The following GON4L variants were observed in gnomAD, a reference collection of about 807,000 sequenced individuals.
GON4L encodes the protein gon-4 like.
In GON4L, 87 loss-of-function variants were observed where a neutral mutation model predicts 211.8. The observed-to-expected ratio is 0.41, with a 90% confidence interval of 0.35 to 0.49. GON4L has a LOEUF of 0.49. Ranked by LOEUF, GON4L falls within the 20% of genes least tolerant of loss-of-function variation. The probability of loss-of-function intolerance (pLI) is 0.15; values close to 1 mark genes in which losing one functional copy is unlikely to be tolerated. For missense variants in GON4L, 2,155 were observed against 2,659.5 expected, an observed-to-expected ratio of 0.81 and a Z score of 4.17; for synonymous variants, 875 against 962.6, an observed-to-expected ratio of 0.91 and a Z score of 1.68.
chr1:155,790,105 ATTTT>A (rs750024980), intron 12 of GON4L, among the ~76,000 whole-genome samples: 2 of 145,494 alleles, frequency 1.4e-5, no homozygotes, highest in Non-Finnish European at 3.0e-5. Flanking sequence ...CACCCAGATA[ATTTT>A]TTTTTTTTGA....
At chr1:155,786,473 G>A (rs1314031251) in intron 12 of GON4L, among the ~76,000 whole-genome samples, 2 of 152,030 alleles carry the variant, frequency 1.3e-5, no homozygotes, top group East Asian at 3.9e-4. Context: ...AGAGGCTGCA[G>A]TGTGCCAAGA....
chr1:155,811,014 A>G (rs751470908), intron 10 of GON4L, among the ~76,000 whole-genome samples: 5 of 151,958 alleles, frequency 3.3e-5, no homozygotes, highest in Non-Finnish European at 7.4e-5. Flanking sequence ...CTGTGACTCC[A>G]TATCCAAAAA....
At chr1:155,793,792 TACAG>T (rs1557869138) in intron 12 of GON4L, among the ~76,000 whole-genome samples, 2 of 152,070 alleles carry the variant, frequency 1.3e-5, no homozygotes, top group South Asian at 2.1e-4. Flanking sequence ...AAATTTTTAG[TACAG>T]ACAAAGTTTC....
chr1:155,822,364 A>G lies in GON4L; in HGVS notation c.810T>C (p.Asp270=), dbSNP rs936930956. ...CCTCCAAGGTACGGTCAAGCATGTC[A>G]TCCAGTTTCAGGTCATATGCCAAGG... ...EGTLAYDLKL[D]DMLDRTLEDG... The change falls in exon 4 of 32, where the codon GAT becomes GAC. Residue 270 remains aspartate (D), a synonymous_variant. Transcript: ENST00000368331. 2 of 1,614,088 alleles carry G rather than the reference A, an allele frequency of 1.2e-6. No individual in the cohort carries two copies. Among genetic ancestry groups the G allele is most frequent in the Non-Finnish European group, 1.7e-6 (2 of 1,179,942 alleles).
chr1:155,849,143 C>CAAAAAA (rs764161223), intron 2 of GON4L, among the ~76,000 whole-genome samples: 2 of 120,086 alleles, frequency 1.7e-5, no homozygotes, highest in African/African-American at 7.0e-5. Context: ...GACTCCATCT[C>CAAAAAA]AAAAAAAAAA....
intron 18 of GON4L, among the ~76,000 whole-genome samples, chr1:155,772,675 G>A (rs545524804): frequency 9.2e-5 from 14 of 152,060 alleles, no homozygotes; most frequent in African/African-American, 2.9e-4. Flanking sequence ...TGCAAGGATC[G>A]CTTGATGTCA....
chr1:155,838,069 G>A (rs966202358), intron 2 of GON4L, among the ~76,000 whole-genome samples: 3 of 151,450 alleles, frequency 2.0e-5, no homozygotes, highest in Admixed American at 6.6e-5. Flanking sequence ...GACCAGCCTG[G>A]GCAACATAGT....
intron 10 of GON4L, among the ~76,000 whole-genome samples, 190 bp from the exon 11 acceptor site, chr1:155,805,331 A>T (rs1318452211): frequency 6.6e-6 from 1 of 152,224 alleles, no homozygotes; most frequent in Non-Finnish European, 1.5e-5. Context: ...GTTTGAAACC[A>T]ACATTTTAGG....
chr1:155,763,484 C>T lies in GON4L; in HGVS notation c.4554G>A (p.Gln1518=). 6.4e-7 allele frequency: 1 copy of T among 1,551,754 alleles called. No individual in the cohort carries two copies. Among genetic ancestry groups the T allele is most frequent in the Non-Finnish European group, 8.7e-7 (1 of 1,147,036 alleles). The change falls in exon 22 of 32, where the codon CAG becomes CAA. Residue 1518 remains glutamine (Q), a synonymous_variant. Transcript: ENST00000368331. The part of the protein sequence containing the change: ...QEGESEEENS[Q]EENSEPEEEE... Reference sequence around the variant, plus strand: ...CTTCTTCTGGCTCAGAGTTCTCCTCCTGAGAATTCTCTTCTTCAGACTCAC... The same window carrying T: ...CTTCTTCTGGCTCAGAGTTCTCCTCTTGAGAATTCTCTTCTTCAGACTCAC...
intron 17 of GON4L, among the ~76,000 whole-genome samples, chr1:155,774,495 G>C (rs941566512): frequency 1.3e-5 from 2 of 151,934 alleles, no homozygotes; most frequent in African/African-American, 4.8e-5. Flanking sequence ...TTTTAGTAGA[G>C]ACGGGGTTTC....
chr1:155,812,857 T>C (rs141352264), intron 10 of GON4L, among the ~76,000 whole-genome samples: 254 of 152,268 alleles, frequency 1.7e-3, no homozygotes, highest in African/African-American at 5.5e-3. Context: ...GCGCACAGCC[T>C]GTATCCTGAT....
intron 20 of GON4L, chr1:155,767,135 A>C: frequency 1.4e-6 from 1 of 703,166 alleles, no homozygotes. Context: ...GCATCTTTCC[A>C]AGAAGGGTCT....
At chr1:155,819,538 G>A (rs183656701) in intron 6 of GON4L, among the ~76,000 whole-genome samples, 5 of 151,998 alleles carry the variant, frequency 3.3e-5, no homozygotes, top group Admixed American at 3.3e-4. Flanking sequence ...TTACAGGCAT[G>A]AGCCACCAAG....
At chr1:155,767,005 C>G (rs1662576667) in intron 20 of GON4L, 2 of 549,582 alleles carry the variant, frequency 3.6e-6, no homozygotes, top group South Asian at 4.0e-5. Context: ...GAGATCGCAC[C>G]TTAGCCTGGG....
At chr1:155,774,007 C>T (rs542806251) in intron 17 of GON4L, among the ~76,000 whole-genome samples, 13 of 152,118 alleles carry the variant, frequency 8.5e-5, no homozygotes, top group Middle Eastern at 3.2e-3. Flanking sequence ...TTCAACTTAA[C>T]GATAAGACTC....
rs1279631796 is a variant in GON4L, at chr1:155,852,594, T to A, written c.505+682A>T. ...GCCTCTACTAAAAATACAAAAAAAA[T>A]TGGCCGGGCATGGTGGTGGGTGCCT... On this transcript the variant is annotated intron_variant, in intron 2 of 31. Coordinates refer to ENST00000368331, the MANE Select transcript of GON4L (RefSeq NM_001282860.2). Among the ~76,000 whole-genome samples, 5 of 151,256 alleles carry A rather than the reference T, an allele frequency of 3.3e-5. No individual in the cohort carries two copies. In the East Asian group the frequency reaches 9.9e-4, roughly 30 times the overall value.
At chr1:155,785,592 C>G (rs1664859103) in intron 12 of GON4L, among the ~76,000 whole-genome samples, 1 of 152,106 alleles carries the variant, frequency 6.6e-6, no homozygotes, top group Non-Finnish European at 1.5e-5. Flanking sequence ...CTGGTCCAAT[C>G]GCTCCTCCCA....
In GON4L at chr1:155,770,017, A is replaced by G. The variant is rs1238327808; in HGVS notation, c.2646+1050T>C. Reference sequence around the variant, plus strand: ...AGCCTGGGCAATATAGGGACACTCCATTTCTTAAAAAAAAAAAAAAAAAAA... The same window carrying G: ...AGCCTGGGCAATATAGGGACACTCCGTTTCTTAAAAAAAAAAAAAAAAAAA... On this transcript the variant is annotated intron_variant, in intron 19 of 31. Coordinates refer to ENST00000368331, the MANE Select transcript of GON4L (RefSeq NM_001282860.2). Among the ~76,000 whole-genome samples, 3 of 121,860 alleles carry G rather than the reference A, an allele frequency of 2.5e-5. No individual in the cohort carries two copies. The East Asian group carries it at 6.8e-4, about 28-fold the overall frequency. 79.9% of individuals were successfully genotyped at this position (121,860 alleles called of 152,430 possible).
At chr1:155,772,763 C>A (rs918260994) in intron 18 of GON4L, among the ~76,000 whole-genome samples, 1 of 151,556 alleles carries the variant, frequency 6.6e-6, no homozygotes, top group Non-Finnish European at 1.5e-5. Context: ...AAATAAATAA[C>A]ATAAAATAAA....
Sources: allele counts gnomAD v4.1 joint callset (sites outside exome capture counted in the v4.1 genomes callset), GRCh38; gene constraint gnomAD v4.1.1; transcripts MANE v1.5; gene names NCBI Gene and HGNC (gene_info 2026-07-23, HGNC 2026-07-21).